AHNAK: variants seen among roughly 807,000 people sequenced by gnomAD.
The protein encoded by AHNAK is AHNAK nucleoprotein, also known as neuroblast differentiation-associated protein AHNAK.
AHNAK carries 23 observed loss-of-function variants against 37.8 expected under a neutral mutation model. The ratio of observed to expected loss-of-function variants is 0.61; its 90% CI spans 0.44 to 0.86. AHNAK has a LOEUF of 0.86. AHNAK is among the 40% of genes least tolerant of loss of function. The pLI is 0.00. For synonymous variants in AHNAK, 2,481 were observed against 2,636.3 expected, an observed-to-expected ratio of 0.94 and a Z score of 1.80; for missense variants, 7,411 against 7,319.4, an observed-to-expected ratio of 1.01 and a Z score of -0.46.
At chr11:62,437,892 T>C (rs1276984858) in intron 5 of AHNAK, among the ~76,000 whole-genome samples, 1 of 152,038 alleles carries the variant, frequency 6.6e-6, no homozygotes, top group African/African-American at 2.4e-5. Context: ...TTGTGGGAGT[T>C]TTGTGTGTCT....
In AHNAK at chr11:62,522,947, C is replaced by T. The variant is rs1316961912; in HGVS notation, c.11470G>A (p.Val3824Met). ...MPGFKGEGPD[V>M]DVNLPKADLD... ...TCAGCCTTGGGCAGGTTCACATCCA[C>T]ATCTGGGCCCTCTCCTTTGAAGCCA... Residue 3824 changes from valine (V) to methionine (M), a missense_variant, in exon 5 of 5, where the codon GTG becomes ATG. Transcript: ENST00000378024. 6 of 1,613,620 alleles carry T rather than the reference C, an allele frequency of 3.7e-6. No individual in the cohort carries two copies. Among genetic ancestry groups the T allele is most frequent in the Admixed American group, 1.7e-5 (1 of 59,942 alleles).
rs762676213 is a variant in AHNAK at position 62,531,645 on chromosome 11, T to C, written c.2772A>G (p.Gly924=). ...TGGGGCCCTTCAGCTTTCCTTCAGG[T>C]CCTTCAATATTCACATCTGGAACTT... ...GVEVPDVNIE[G]PEGKLKGPKF... Residue 924 remains glycine (G), a synonymous_variant, in exon 5 of 5, where the codon GGA becomes GGG. Transcript: ENST00000378024. 2.5e-6 allele frequency: 4 copies of C among 1,613,400 alleles called. No homozygotes were observed. The South Asian group carries it at 4.4e-5, about 18-fold the overall frequency.
chr11:62,496,666 G>A (rs558167608), intron 4 of AHNAK, among the ~76,000 whole-genome samples: 20 of 152,142 alleles, frequency 1.3e-4, no homozygotes, highest in African/African-American at 3.1e-4. Context: ...GTGGTGGCGC[G>A]TGCCTGTAGT....
chr11:62,533,859 T>C lies in AHNAK; in HGVS notation c.558A>G (p.Arg186=). ...SSPEFKIKIP[R]HELTEISNVD... ...CATTGGAGATTTCAGTCAGTTCATG[T>C]CTTGGAATCTTGATCTTGAATTCAG... Residue 186 remains arginine, a synonymous_variant, in exon 5 of 5, where the codon AGA becomes AGG. Coordinates refer to ENST00000378024, the MANE Select transcript of AHNAK (RefSeq NM_001620.3). The C allele has an allele frequency of 1.2e-6, 2 of 1,614,174 alleles. No individual in the cohort carries two copies. Among genetic ancestry groups the C allele is most frequent in the Non-Finnish European group, 1.7e-6 (2 of 1,180,022 alleles).
intron 5 of AHNAK, among the ~76,000 whole-genome samples, chr11:62,461,029 G>A (rs1327484201): frequency 6.8e-6 from 1 of 147,078 alleles, no homozygotes; most frequent in Non-Finnish European, 1.5e-5. Flanking sequence ...TAGAGACAGG[G>A]TTTCACTGTG....
chr11:62,482,331 T>C (rs1367248524), intron 5 of AHNAK, among the ~76,000 whole-genome samples: 2 of 151,998 alleles, frequency 1.3e-5, no homozygotes, highest in Non-Finnish European at 1.5e-5. Flanking sequence ...AGGAGAATCA[T>C]TTGAGCCCAG....
chr11:62,450,592 C>A (rs60015439), intron 5 of AHNAK, among the ~76,000 whole-genome samples: 1 of 152,380 alleles, frequency 6.6e-6, no homozygotes, highest in East Asian at 1.9e-4. Context: ...CCCATGCAAA[C>A]TACAGCTCCA....
In AHNAK at chr11:62,519,987, A is replaced by G; in HGVS notation, c.14430T>C (p.Asp4810=). The change falls in exon 5 of 5, where the codon GAT becomes GAC. Residue 4810 remains aspartate (D), a synonymous_variant. Transcript: ENST00000378024. Reference sequence around the variant, plus strand: ...CAACGTCCACCTTGGGTCCCGAGACATCGATGTCGGCCTTGGGCAGGCTCA... The same window carrying G: ...CAACGTCCACCTTGGGTCCCGAGACGTCGATGTCGGCCTTGGGCAGGCTCA... ...VDVSLPKADI[D]VSGPKVDVDI... is the part of the protein sequence containing the mutation. 6.2e-7 allele frequency: 1 copy of G among 1,613,544 alleles called. No individual in the cohort carries two copies. Among genetic ancestry groups the G allele is most frequent in the East Asian group, 2.2e-5 (1 of 44,822 alleles).
At chr11:62,470,569 G>T (rs1301782673) in intron 5 of AHNAK, among the ~76,000 whole-genome samples, 1 of 152,152 alleles carries the variant, frequency 6.6e-6, no homozygotes, top group Non-Finnish European at 1.5e-5. Flanking sequence ...TCGCGCCACT[G>T]CACTCCAGCC....
chr11:62,464,662 C>T (rs1263114106), intron 5 of AHNAK, among the ~76,000 whole-genome samples: 4 of 127,498 alleles, frequency 3.1e-5, no homozygotes, highest in South Asian at 3.7e-4. Flanking sequence ...ACCAAGATTC[C>T]GTCTCAAAAA....
At position 62,489,671 on chromosome 11, in the gene AHNAK, G is replaced by T. The variant is rs576327086; in HGVS notation, c.442+2061C>A. Among the ~76,000 whole-genome samples the T allele has an allele frequency of 3.3e-5, 5 of 152,222 alleles. No individual in the cohort carries two copies. In the East Asian group the frequency reaches 7.7e-4, roughly 24 times the overall value. ...GGACGGGGATGGAGAGACAGGGAGA[G>T]GGGGAGTGGAGGGGAGCCCAGATGT... On this transcript the variant is annotated intron_variant, in intron 5 of 5. Coordinates refer to the AHNAK transcript ENST00000257247.
At chr11:62,469,550 C>T (rs771556148) in intron 5 of AHNAK, among the ~76,000 whole-genome samples, 4 of 152,102 alleles carry the variant, frequency 2.6e-5, no homozygotes, top group Middle Eastern at 3.4e-3. Context: ...CTGTAACCTC[C>T]GCCTCCCAGG....
intron 5 of AHNAK, among the ~76,000 whole-genome samples, chr11:62,441,294 G>T (rs924708489): frequency 1.3e-5 from 2 of 151,740 alleles, no homozygotes; most frequent in Admixed American, 6.6e-5. Context: ...GAGCCACCAC[G>T]TCCGGCCTCT....
chr11:62,481,809 C>T (rs1939282720), intron 5 of AHNAK, among the ~76,000 whole-genome samples: 1 of 152,078 alleles, frequency 6.6e-6, no homozygotes, highest in Admixed American at 6.5e-5. Flanking sequence ...TCGTGATCGA[C>T]CCACCTCGGC....
intron 5 of AHNAK, among the ~76,000 whole-genome samples, chr11:62,456,747 T>C (rs1291007195): frequency 6.6e-6 from 1 of 152,194 alleles, no homozygotes; most frequent in African/African-American, 2.4e-5. Flanking sequence ...TAGATCTGGA[T>C]CAGAGACTAG....
chr11:62,442,319 G>T (rs183377785), intron 5 of AHNAK, among the ~76,000 whole-genome samples: 24 of 152,220 alleles, frequency 1.6e-4, no homozygotes, highest in Admixed American at 7.2e-4. Context: ...AGGCTGAAGC[G>T]GGCAGATTGC....
In AHNAK at chr11:62,477,899, T is replaced by A. The variant is rs1306978297; in HGVS notation, c.442+13833A>T. ...GATGGTTGTGCAGAAACCTGGAAGA[T>A]AATTGGCTTAGGGGATGGGGGGCCT... is the stretch of plus-strand genomic sequence containing the variant. On this transcript the variant is annotated intron_variant, in intron 5 of 5. Transcript: ENST00000257247. Among the ~76,000 whole-genome samples, 3 of 151,940 alleles carry A rather than the reference T, an allele frequency of 2.0e-5. No homozygotes were observed. In the East Asian group the frequency reaches 5.8e-4, roughly 29 times the overall value.
chr11:62,451,671 A>G (rs1294350723), intron 5 of AHNAK, among the ~76,000 whole-genome samples: 1 of 137,872 alleles, frequency 7.3e-6, no homozygotes, highest in Non-Finnish European at 1.5e-5. Context: ...CAGAAGGTGG[A>G]GGTTGCACTT....
At chr11:62,483,443 C>A (rs938898773) in intron 5 of AHNAK, among the ~76,000 whole-genome samples, 2 of 152,296 alleles carry the variant, frequency 1.3e-5, no homozygotes, top group Admixed American at 1.3e-4. Context: ...CAAGAAAGGG[C>A]GGGCCGGGCG....
Sources: gnomAD v4.1 joint callset for allele counts (sites outside exome capture counted in the v4.1 genomes callset) on GRCh38, gnomAD v4.1.1 for gene constraint, MANE v1.5 for transcripts, NCBI Gene and HGNC (gene_info 2026-07-23, HGNC 2026-07-21) for gene names.